METTL16: variants seen among roughly 807,000 people sequenced by gnomAD.
METTL16 encodes the protein methyltransferase 16, RNA N6-adenosine.
A neutral mutation model predicts 57.9 loss-of-function variants in METTL16; 19 were observed. The ratio of observed to expected loss-of-function variants is 0.33; its 90% CI spans 0.23 to 0.48. The LOEUF (loss-of-function observed/expected upper bound fraction) is 0.48. METTL16 is among the 20% of genes least tolerant of loss of function. The pLI is 0.99. For missense variants in METTL16, 434 were observed against 691.5 expected (o/e 0.63, Z 4.18); for synonymous variants, 246 against 255.6 (o/e 0.96, Z 0.36).
intron 6 of METTL16, among the ~76,000 whole-genome samples, chr17:2,457,710 C>CAA (rs749572968): frequency 1.4e-4 from 15 of 105,246 alleles, no homozygotes; most frequent in East Asian, 4.6e-4. Flanking sequence ...GACTCTGTCT[C>CAA]AAAAAAAAAA....
chr17:2,434,745 T>C (rs976910879), intron 8 of METTL16, among the ~76,000 whole-genome samples: 1 of 152,166 alleles, frequency 6.6e-6, no homozygotes, highest in African/African-American at 2.4e-5. Context: ...CAAAGTTGCC[T>C]AATTAATTTG....
intron 3 of METTL16, among the ~76,000 whole-genome samples, chr17:2,474,602 C>T (rs903269200): frequency 2.0e-5 from 3 of 152,120 alleles, no homozygotes; most frequent in African/African-American, 7.2e-5. Context: ...AACCGCTAGC[C>T]CTGGACTGGA....
intron 7 of METTL16, 58 bp downstream of exon 7, chr17:2,441,432 G>T: frequency 3.2e-6 from 4 of 1,255,914 alleles, no homozygotes; most frequent in Non-Finnish European, 4.4e-6. Flanking sequence ...AACTGTACTT[G>T]TGCCCCATGG....
At chr17:2,500,388 T>C (rs2067478665) in intron 2 of METTL16, among the ~76,000 whole-genome samples, 2 of 152,154 alleles carry the variant, frequency 1.3e-5, no homozygotes, top group Non-Finnish European at 2.9e-5. Flanking sequence ...GTGATTCTCC[T>C]GCCTCACTCA....
At chr17:2,447,549 G>T (rs1374275107) in intron 6 of METTL16, among the ~76,000 whole-genome samples, 1 of 115,838 alleles carries the variant, frequency 8.6e-6, no homozygotes, top group African/African-American at 4.6e-5. Flanking sequence ...CCCTCTGCCT[G>T]GCCAGTCGCC....
At chr17:2,456,666 G>A (rs747811057) in intron 6 of METTL16, among the ~76,000 whole-genome samples, 1 of 152,122 alleles carries the variant, frequency 6.6e-6, no homozygotes, top group Non-Finnish European at 1.5e-5. Flanking sequence ...ACAGAGTCTT[G>A]CTATGTTGCC....
intron 2 of METTL16, among the ~76,000 whole-genome samples, chr17:2,495,706 A>G (rs924132803): frequency 4.0e-5 from 6 of 151,178 alleles, no homozygotes; most frequent in African/African-American, 1.5e-4. Flanking sequence ...AAAAAAAAAA[A>G]AAAAAGAAAA....
At chr17:2,421,832 C>T (rs114303013) in intron 8 of METTL16, among the ~76,000 whole-genome samples, 1 of 152,108 alleles carries the variant, frequency 6.6e-6, no homozygotes, top group Non-Finnish European at 1.5e-5. Context: ...TGGCTGATGT[C>T]GGGACCAAGC....
At chr17:2,448,848 G>A (rs1384531329) in intron 6 of METTL16, among the ~76,000 whole-genome samples, 6 of 99,136 alleles carry the variant, frequency 6.1e-5, no homozygotes, top group Admixed American at 9.7e-5. Context: ...CCAACATGGT[G>A]AAACCCCATC....
At chr17:2,507,491 C>T (rs1214640887) in intron 1 of METTL16, among the ~76,000 whole-genome samples, 11 of 146,198 alleles carry the variant, frequency 7.5e-5, no homozygotes, top group Non-Finnish European at 1.2e-4. Context: ...CCGCCCTGTC[C>T]GGGAGGGAGG....
chr17:2,500,323 T>C (rs1349219396), intron 2 of METTL16, among the ~76,000 whole-genome samples: 1 of 151,838 alleles, frequency 6.6e-6, no homozygotes, highest in African/African-American at 2.4e-5. Flanking sequence ...GTCACCCAGG[T>C]TGGAGTGCAG....
chr17:2,478,505 A>T (rs902077420), intron 2 of METTL16, among the ~76,000 whole-genome samples: 6 of 152,254 alleles, frequency 3.9e-5, no homozygotes, highest in African/African-American at 1.4e-4. Context: ...TATAATTCAC[A>T]TACTATAAAA....
Position 2,416,065 on chromosome 17 carries a change from C to T in METTL16, c.*3905G>A, listed in dbSNP as rs891846748. On this transcript the variant is annotated 3_prime_UTR_variant, in exon 10 of 10. Coordinates refer to ENST00000263092, the MANE Select transcript of METTL16 (RefSeq NM_024086.4). Reference sequence around the variant, plus strand: ...TGGCTAGTGTTTTTTTCTCTTTCTACTTTTATTTTTCAAATTTTATTTCTG... The same window carrying T: ...TGGCTAGTGTTTTTTTCTCTTTCTATTTTTATTTTTCAAATTTTATTTCTG... 3 of 152,098 alleles carry T rather than the reference C, an allele frequency of 2.0e-5. No individual in the cohort carries two copies. The highest frequency in any genetic ancestry group is 7.2e-5 in the African/African-American group (3 of 41,416). The allele number at this position is 152,098 out of a possible 1,614,324, so 9.4% of individuals were successfully genotyped here.
At chr17:2,508,743 A>G (rs1454116125) in intron 1 of METTL16, among the ~76,000 whole-genome samples, 1 of 152,154 alleles carries the variant, frequency 6.6e-6, no homozygotes, top group Admixed American at 6.6e-5. Flanking sequence ...AAATGTGAAC[A>G]TTTCCTTATT....
At chr17:2,498,429 A>T (rs1192864441) in intron 2 of METTL16, among the ~76,000 whole-genome samples, 1 of 150,610 alleles carries the variant, frequency 6.6e-6, no homozygotes, top group Non-Finnish European at 1.5e-5. Context: ...GCAAAACAAA[A>T]CAAAAATCTT....
At chr17:2,495,870 A>T (rs1431042938) in intron 2 of METTL16, among the ~76,000 whole-genome samples, 1 of 151,574 alleles carries the variant, frequency 6.6e-6, no homozygotes, top group East Asian at 1.9e-4. Flanking sequence ...GCACTTTGGG[A>T]GGCCGAGGCA....
intron 1 of METTL16, among the ~76,000 whole-genome samples, chr17:2,506,258 C>T (rs2067532463): frequency 7.4e-6 from 1 of 135,684 alleles, no homozygotes; most frequent in Non-Finnish European, 1.6e-5. Flanking sequence ...CTCCCCCTCC[C>T]CCTCCCTCTC....
At position 2,477,726 on chromosome 17, in the gene METTL16, C is replaced by G. The variant is rs370867383; in HGVS notation, c.288G>C (p.Gln96His). 1.2e-6 allele frequency: 2 copies of G among 1,613,898 alleles called. No homozygotes were observed. Among genetic ancestry groups the G allele is most frequent in the African/African-American group, 2.7e-5 (2 of 74,904 alleles). Residue 96 changes from glutamine (Q) to histidine (H), a missense_variant, in exon 3 of 10, where the codon CAG (glutamine) becomes CAC (histidine). Transcript: ENST00000263092. ...TTCGGAGAGTACTTTTGTCAGAATC[C>G]TGGTGACCGATCAGATCTTCTACCC... is the stretch of plus-strand genomic sequence containing the variant. ...IHWVEDLIGH[Q>H]DSDKSTLRRG...
At chr17:2,499,153 T>C (rs758424379) in intron 2 of METTL16, among the ~76,000 whole-genome samples, 12 of 151,664 alleles carry the variant, frequency 7.9e-5, no homozygotes, top group Non-Finnish European at 1.5e-4. Context: ...CTTATGTATT[T>C]GTCCATTTTC....
Sources: allele counts gnomAD v4.1 joint callset (sites outside exome capture counted in the v4.1 genomes callset), GRCh38; gene constraint gnomAD v4.1.1; transcripts MANE v1.5; gene names NCBI Gene and HGNC (gene_info 2026-07-23, HGNC 2026-07-21).